The following PLCH1 variants were observed in gnomAD, a reference collection of about 807,000 sequenced individuals.
PLCH1 encodes phospholipase C eta 1, also known as 1-phosphatidylinositol 4,5-bisphosphate phosphodiesterase eta-1.
Under a neutral mutation model 126.7 loss-of-function variants are expected in PLCH1, and 60 were observed. That is an observed-to-expected ratio of 0.47 (90% CI 0.38 to 0.59). The LOEUF is 0.59. Ranked by LOEUF, PLCH1 falls within the 20% of genes least tolerant of loss-of-function variation. The pLI is 0.00. For synonymous variants in PLCH1, 719 were observed against 734.9 expected (o/e 0.98, Z 0.35); for missense variants, 1,723 against 2,040.0 (o/e 0.84, Z 2.99).
intron 1 of PLCH1, among the ~76,000 whole-genome samples, chr3:155,706,588 C>A (rs1746688774): frequency 6.6e-6 from 1 of 150,922 alleles, no homozygotes; most frequent in Non-Finnish European, 1.5e-5. Flanking sequence ...CCACTGCACT[C>A]CGGCCTGGGC....
At chr3:155,458,298 C>T (rs1216868513) in intron 21 of PLCH1, among the ~76,000 whole-genome samples, 7 of 137,938 alleles carry the variant, frequency 5.1e-5, no homozygotes, top group Non-Finnish European at 9.1e-5. Flanking sequence ...GCCAAGATTG[C>T]ACCACTGCAC....
chr3:155,494,858 G>A (rs1380760297), intron 15 of PLCH1, among the ~76,000 whole-genome samples: 4 of 151,982 alleles, frequency 2.6e-5, no homozygotes, highest in African/African-American at 7.3e-5. Flanking sequence ...AACTTAAACA[G>A]AATATATTTG....
chr3:155,488,330 TG>T (rs1264340518), intron 20 of PLCH1, among the ~76,000 whole-genome samples: 1 of 152,108 alleles, frequency 6.6e-6, no homozygotes, highest in Admixed American at 6.5e-5. Context: ...CCCGAATAGC[TG>T]GGATTACAGG....
intron 2 of PLCH1, among the ~76,000 whole-genome samples, chr3:155,682,268 G>A (rs1417292929): frequency 6.6e-6 from 1 of 152,178 alleles, no homozygotes; most frequent in Non-Finnish European, 1.5e-5. Flanking sequence ...GCCCAGCATA[G>A]TTCATGCCTT....
At chr3:155,470,869 C>A (rs1261738441) in intron 21 of PLCH1, among the ~76,000 whole-genome samples, 1 of 151,956 alleles carries the variant, frequency 6.6e-6, no homozygotes, top group Non-Finnish European at 1.5e-5. Flanking sequence ...TACAAACAAG[C>A]AAATGCTGAG....
In PLCH1 at chr3:155,485,357, TAG is replaced by T; in HGVS notation, c.2971_2972del (p.Leu991SerfsTer4). On this transcript the variant is annotated frameshift_variant and splice_region_variant, in exon 22 of 23. Transcript: ENST00000460012. LOFTEE classifies it low-confidence loss of function (END_TRUNC). ...TCAGAGAAACTTAAAGCATCTTACC[TAG>T]AGAGTTTTCTTTTCCTTCAATGTCT... Reference protein sequence around the residue: ...AKDIEGKENSLAEDKDGRRKG... With the variant: ...AKDIEGKENSXAEDKDGRRKG... The T allele has an allele frequency of 6.3e-7, 1 of 1,592,774 alleles. No homozygotes were observed. Among genetic ancestry groups the T allele is most frequent in the Non-Finnish European group, 8.6e-7 (1 of 1,162,038 alleles).
intron 1 of PLCH1, chr3:155,743,103 TAAGC>T (rs1749735457): frequency 3.6e-6 from 1 of 275,990 alleles, no homozygotes; most frequent in Admixed American, 5.2e-5. Context: ...TTAAGAAAAA[TAAGC>T]AAGAAGCTAC....
chr3:155,566,083 C>A (rs999106675), intron 7 of PLCH1, among the ~76,000 whole-genome samples: 1 of 113,368 alleles, frequency 8.8e-6, no homozygotes, highest in Non-Finnish European at 1.9e-5. Flanking sequence ...TTAGGAATAG[C>A]CTTTTAAATA....
chr3:155,675,890 G>A (rs1744034832), intron 2 of PLCH1: 1 of 647,772 alleles, frequency 1.5e-6, no homozygotes, highest in South Asian at 2.3e-5. Context: ...ATGTTCTGAA[G>A]AATTCAAATA....
intron 2 of PLCH1, among the ~76,000 whole-genome samples, chr3:155,646,919 T>C (rs1334073766): frequency 1.3e-5 from 2 of 152,236 alleles, no homozygotes; most frequent in African/African-American, 2.4e-5. Flanking sequence ...TTTTAAAATA[T>C]ATTCACAAAT....
At chr3:155,528,945 C>G (rs989687353) in intron 10 of PLCH1, among the ~76,000 whole-genome samples, 5 of 152,170 alleles carry the variant, frequency 3.3e-5, no homozygotes, top group Admixed American at 2.6e-4. Context: ...TCAGCTTTTT[C>G]CAGGCTGGCA....
At chr3:155,451,002 T>C (rs1223983992) in intron 21 of PLCH1, among the ~76,000 whole-genome samples, 2 of 152,294 alleles carry the variant, frequency 1.3e-5, no homozygotes, top group East Asian at 3.9e-4. Context: ...ACAGCAAAGC[T>C]GTTTAAATAT....
At chr3:155,478,820 A>G (rs1490371096), downstream of PLCH1, among the ~76,000 whole-genome samples, 1 of 152,210 alleles carries the variant, frequency 6.6e-6, no homozygotes, top group Non-Finnish European at 1.5e-5. Context: ...TAAGGAGCAA[A>G]GGAAAATGAG....
intron 10 of PLCH1, among the ~76,000 whole-genome samples, chr3:155,527,132 G>T (rs934593): frequency 6.6e-6 from 1 of 152,102 alleles, no homozygotes; most frequent in South Asian, 2.1e-4. Context: ...TCTAGATGGG[G>T]GGCCCATATC....
intron 1 of PLCH1, among the ~76,000 whole-genome samples, chr3:155,721,523 A>G (rs189899818): frequency 6.8e-4 from 103 of 152,214 alleles, no homozygotes; most frequent in Admixed American, 1.6e-3. Context: ...GTCGCTGTTC[A>G]TGTATAGCAG....
chr3:155,602,705 T>C (rs1021306899), intron 2 of PLCH1, among the ~76,000 whole-genome samples: 2 of 152,126 alleles, frequency 1.3e-5, no homozygotes, highest in African/African-American at 4.8e-5. Flanking sequence ...ACAGAAAAGG[T>C]ACAATAAAAA....
At chr3:155,713,864 ACTC>A (rs1291819351) in intron 1 of PLCH1, among the ~76,000 whole-genome samples, 1 of 152,032 alleles carries the variant, frequency 6.6e-6, no homozygotes, top group Non-Finnish European at 1.5e-5. Flanking sequence ...ATTATGGAAA[ACTC>A]CTCCCTAATA....
chr3:155,537,547 G>A (rs1398080996), intron 10 of PLCH1, among the ~76,000 whole-genome samples: 4 of 152,010 alleles, frequency 2.6e-5, no homozygotes, highest in African/African-American at 9.7e-5. Context: ...TAAAGGGGTA[G>A]AAGAAGATAT....
intron 11 of PLCH1, among the ~76,000 whole-genome samples, chr3:155,517,941 T>C (rs1323059574): frequency 2.6e-5 from 4 of 152,154 alleles, no homozygotes; most frequent in African/African-American, 9.7e-5. Flanking sequence ...GCAACTAAGA[T>C]TGTACACAGT....
Sources: gnomAD v4.1 joint callset for allele counts (sites outside exome capture counted in the v4.1 genomes callset) on GRCh38, gnomAD v4.1.1 for gene constraint, MANE v1.5 for transcripts, NCBI Gene and HGNC (gene_info 2026-07-23, HGNC 2026-07-21) for gene names.